ERG: variants seen among roughly 807,000 people sequenced by gnomAD.
ERG encodes the protein ETS transcription factor ERG, also known as transcriptional regulator ERG.
In ERG, 9 loss-of-function variants were observed where a neutral mutation model predicts 55.3. That is an observed-to-expected ratio of 0.16 (90% confidence interval 0.10 to 0.28). The LOEUF is 0.28. ERG is among the 10% of genes least tolerant of loss of function. The probability of loss-of-function intolerance (pLI) is 1.00; values close to 1 mark genes in which losing one functional copy is unlikely to be tolerated. For missense variants in ERG, 434 were observed against 631.6 expected, an observed-to-expected ratio of 0.69 and a Z score of 3.35; for synonymous variants, 223 against 237.3, an observed-to-expected ratio of 0.94 and a Z score of 0.55.
chr21:38,396,708 T>C lies in ERG; in HGVS notation c.745+3866A>G, dbSNP rs983435610. 3.9e-5 allele frequency among the ~76,000 whole-genome samples: 6 copies of C among 152,282 alleles called. No homozygotes were observed. In the East Asian group the frequency reaches 1.2e-3, roughly 29 times the overall value. ...GCTCCTAAGAGGACAGGCAGGGTGG[T>C]GCACTGTGTAGTTAATAGGGGCTTG... On this transcript the variant is annotated intron_variant, in intron 6 of 9. Coordinates refer to ENST00000288319, the MANE Select transcript of ERG (RefSeq NM_182918.4).
At chr21:38,496,839 T>G (rs1290358591) in intron 1 of ERG, among the ~76,000 whole-genome samples, 1 of 152,224 alleles carries the variant, frequency 6.6e-6, no homozygotes, top group Non-Finnish European at 1.5e-5. Flanking sequence ...TCCTTTTTAA[T>G]GCACTGAGTT....
At chr21:38,569,169 T>TC (rs879396506) in intron 2 of ERG, among the ~76,000 whole-genome samples, 386 of 151,006 alleles carry the variant, frequency 2.6e-3, no homozygotes, top group African/African-American at 5.1e-3. Flanking sequence ...CTTCTCTCCC[T>TC]CCCCCCCCAC....
intron 1 of ERG, among the ~76,000 whole-genome samples, chr21:38,580,161 G>A (rs1444444329): frequency 7.3e-5 from 11 of 151,150 alleles, no homozygotes; most frequent in African/African-American, 2.2e-4. Flanking sequence ...TCACCGTGTC[G>A]GCCAGATGGT....
chr21:38,477,234 G>C (rs904285249), intron 1 of ERG, among the ~76,000 whole-genome samples: 1 of 151,970 alleles, frequency 6.6e-6, no homozygotes, highest in East Asian at 1.9e-4. Flanking sequence ...GGTTGGTCTC[G>C]CTCAAGCGAT....
chr21:38,498,277 C>T lies in ERG; in HGVS notation c.18+86G>A. ...GTGGCAGTGGGGGTGTTGCCCAACC[C>T]TAACTTATCTGCCTTGATAAAGGAA... On this transcript the variant is annotated intron_variant, in intron 1 of 9. Transcript: ENST00000288319. The surrounding 1 kb of genome is among the most constrained non-coding windows in gnomAD (Gnocchi z 4.6). 1 of 1,231,402 alleles carries T rather than the reference C, an allele frequency of 8.1e-7. No homozygotes were observed. Among genetic ancestry groups the T allele is most frequent in the Non-Finnish European group, 1.2e-6 (1 of 840,310 alleles). The allele number at this position is 1,231,402 out of a possible 1,614,324, so 76.3% of individuals were successfully genotyped here.
intron 1 of ERG, among the ~76,000 whole-genome samples, chr21:38,626,299 T>C (rs991869202): frequency 1.3e-5 from 2 of 152,232 alleles, no homozygotes; most frequent in African/African-American, 2.4e-5. Context: ...CAAACCATGA[T>C]ACAGTCTGTA....
intron 2 of ERG, among the ~76,000 whole-genome samples, chr21:38,441,620 G>T (rs1039333043): frequency 2.6e-5 from 4 of 152,214 alleles, no homozygotes; most frequent in African/African-American, 9.7e-5. Flanking sequence ...AGCTCTGGGG[G>T]AGACGGGCAT....
upstream of ERG, among the ~76,000 whole-genome samples, chr21:38,588,316 C>CCCACCA (rs959053818): frequency 5.9e-5 from 9 of 151,968 alleles, no homozygotes; most frequent in Non-Finnish European, 7.4e-5. Context: ...AGAGACACCC[C>CCCACCA]CCACCACCAC....
intron 1 of ERG, among the ~76,000 whole-genome samples, chr21:38,611,774 C>T (rs2060228775): frequency 6.6e-6 from 1 of 152,136 alleles, no homozygotes; most frequent in Admixed American, 6.5e-5. Flanking sequence ...CTGTTTGGCT[C>T]CCCGCTGCAT....
At chr21:38,435,316 C>G (rs1990398200) in intron 2 of ERG, among the ~76,000 whole-genome samples, 1 of 152,050 alleles carries the variant, frequency 6.6e-6, no homozygotes, top group Admixed American at 6.6e-5. Context: ...TTTTTAGGAC[C>G]CCAGACAAGG....
chr21:38,379,524 CT>C (rs1367506180), downstream of ERG, among the ~76,000 whole-genome samples: 1 of 151,956 alleles, frequency 6.6e-6, no homozygotes, highest in Non-Finnish European at 1.5e-5. Context: ...CATAAAGTTT[CT>C]ACATATAACA....
intron 5 of ERG, among the ~76,000 whole-genome samples, chr21:38,400,850 G>C (rs1988456261): frequency 6.6e-6 from 1 of 152,188 alleles, no homozygotes; most frequent in Non-Finnish European, 1.5e-5. Context: ...GTGTACTCCT[G>C]TGCCCCGTTT....
intron 1 of ERG, among the ~76,000 whole-genome samples, chr21:38,614,036 C>T (rs1218080999): frequency 7.9e-5 from 12 of 151,970 alleles, no homozygotes; most frequent in African/African-American, 1.9e-4. Flanking sequence ...CCACTCCACT[C>T]GTTGAACAGT....
chr21:38,614,692 C>T (rs2060248600), intron 1 of ERG, among the ~76,000 whole-genome samples: 1 of 152,228 alleles, frequency 6.6e-6, no homozygotes, highest in African/African-American at 2.4e-5. Flanking sequence ...CATGATTGCT[C>T]AAGTCCAGGT....
chr21:38,511,003 C>T (rs530056208), intron 2 of ERG, among the ~76,000 whole-genome samples: 1 of 152,280 alleles, frequency 6.6e-6, no homozygotes, highest in East Asian at 1.9e-4. Context: ...GACCTTTTCC[C>T]AACATTCAGT....
upstream of ERG, among the ~76,000 whole-genome samples, chr21:38,502,041 A>G (rs1349374764): frequency 6.6e-6 from 1 of 152,234 alleles, no homozygotes; most frequent in Non-Finnish European, 1.5e-5. Flanking sequence ...GGAGCTAAGA[A>G]CACTCTGAAT....
At chr21:38,410,664 C>T (rs1989005808) in intron 3 of ERG, among the ~76,000 whole-genome samples, 1 of 152,104 alleles carries the variant, frequency 6.6e-6, no homozygotes. Context: ...TCCCCTGTTG[C>T]CAGGAAAATA....
chr21:38,380,736 T>A lies in ERG; in HGVS notation c.*2667A>T. 1.9e-6 allele frequency: 2 copies of A among 1,065,226 alleles called. No individual in the cohort carries two copies. Among genetic ancestry groups the A allele is most frequent in the Non-Finnish European group, 2.3e-6 (2 of 879,246 alleles). The allele number at this position is 1,065,226 out of a possible 1,614,324, so 66.0% of individuals were successfully genotyped here. On this transcript the variant is annotated 3_prime_UTR_variant, in exon 10 of 10. Coordinates refer to ENST00000288319, the MANE Select transcript of ERG (RefSeq NM_182918.4). Reference sequence around the variant, plus strand: ...AATTATCCCAGTTGCTCATAAGACTTGCTAATAACCTGGACTGGGGGTGGA... The same window carrying A: ...AATTATCCCAGTTGCTCATAAGACTAGCTAATAACCTGGACTGGGGGTGGA...
intron 1 of ERG, among the ~76,000 whole-genome samples, chr21:38,656,033 A>G (rs1023663817): frequency 2.6e-5 from 4 of 152,088 alleles, no homozygotes; most frequent in African/African-American, 7.2e-5. Flanking sequence ...CCCCCCGCCA[A>G]CCCACACGTG....
Sources: allele counts gnomAD v4.1 joint callset (sites outside exome capture counted in the v4.1 genomes callset), GRCh38; gene constraint gnomAD v4.1.1; non-coding constraint Gnocchi (gnomAD v3.1); transcripts MANE v1.5; gene names NCBI Gene and HGNC (gene_info 2026-07-23, HGNC 2026-07-21).